The following CYP4X1 variants were observed in gnomAD, a reference collection of about 807,000 sequenced individuals.
CYP4X1 encodes the protein cytochrome P450 family 4 subfamily X member 1, also known as cytochrome P450 4X1.
A neutral mutation model predicts 57.9 loss-of-function variants in CYP4X1; 44 were observed. That is an observed-to-expected ratio of 0.76 (90% CI 0.60 to 0.98). The LOEUF (loss-of-function observed/expected upper bound fraction) is 0.98, where lower values mean the gene tolerates loss of function less well. CYP4X1 is among the 50% of genes least tolerant of loss of function. CYP4X1 has a pLI of 0.00. For synonymous variants in CYP4X1, 227 were observed against 228.6 expected (o/e 0.99, Z 0.06); for missense variants, 532 against 623.9 (o/e 0.85, Z 1.57).
chr1:46,968,890 A>C, the CYP4X1 span, among the ~76,000 whole-genome samples: 1 of 152,202 alleles, frequency 6.6e-6, no homozygotes, highest in South Asian at 2.1e-4. Flanking sequence ...TATTTAAATG[A>C]CATTACTTGG....
At chr1:47,009,777 A>T in the CYP4X1 span, among the ~76,000 whole-genome samples, 1 of 152,262 alleles carries the variant, frequency 6.6e-6, no homozygotes, top group Non-Finnish European at 1.5e-5. Context: ...GGAATACTAT[A>T]AACACTTCTA....
chr1:47,019,235 C>G (rs1184768109), upstream of CYP4X1, among the ~76,000 whole-genome samples: 1 of 152,094 alleles, frequency 6.6e-6, no homozygotes, highest in Non-Finnish European at 1.5e-5. Flanking sequence ...CTAAATGGGC[C>G]CAGGTGCTGC....
the CYP4X1 span, among the ~76,000 whole-genome samples, chr1:46,985,619 C>A: frequency 2.0e-5 from 3 of 152,098 alleles, no homozygotes; most frequent in African/African-American, 4.8e-5. Context: ...AGGAGAGCTC[C>A]GGCTGGCATC....
Position 47,033,423 on chromosome 1 carries a change from A to G in CYP4X1, c.492+55A>G, listed in dbSNP as rs1644145679. 1.6e-5 allele frequency: 26 copies of G among 1,583,502 alleles called. No homozygotes were observed. In the South Asian group the frequency reaches 3.0e-4, roughly 18 times the overall value. ...TTGCGAAATGCTCCCAGCAATGGAC[A>G]GTATTAGGTATGTGTTTTGTGGGCC... On this transcript the variant is annotated intron_variant, in intron 4 of 11. Transcript: ENST00000371901.
chr1:47,012,898 C>G, the CYP4X1 span, among the ~76,000 whole-genome samples: 1 of 152,288 alleles, frequency 6.6e-6, no homozygotes, highest in African/African-American at 2.4e-5. Context: ...TGCATTGTCT[C>G]TAACAAAAAA....
the CYP4X1 span, among the ~76,000 whole-genome samples, chr1:46,962,176 A>G: frequency 1.3e-5 from 2 of 151,844 alleles, no homozygotes; most frequent in Admixed American, 6.6e-5. Flanking sequence ...CTGGAGTGCA[A>G]TGGCCTGATA....
chr1:47,025,047 G>T (rs1644047203), intron 1 of CYP4X1, among the ~76,000 whole-genome samples: 1 of 152,134 alleles, frequency 6.6e-6, no homozygotes, highest in Non-Finnish European at 1.5e-5. Flanking sequence ...TCCCCACCAA[G>T]CCTCATGTTG....
chr1:47,046,845 A>C (rs1248748213), intron 9 of CYP4X1, among the ~76,000 whole-genome samples: 1 of 152,194 alleles, frequency 6.6e-6, no homozygotes, highest in African/African-American at 2.4e-5. Context: ...TGTCTCTGGA[A>C]TCCCAGCCCA....
At chr1:47,051,209 A>G (rs1644357990), downstream of CYP4X1, among the ~76,000 whole-genome samples, 3 of 152,158 alleles carry the variant, frequency 2.0e-5, no homozygotes, top group Admixed American at 2.0e-4. Flanking sequence ...TAGAATGGCA[A>G]TCATTAAAAA....
At chr1:46,978,072 G>A in the CYP4X1 span, among the ~76,000 whole-genome samples, 18 of 152,054 alleles carry the variant, frequency 1.2e-4, no homozygotes, top group African/African-American at 4.4e-4. Context: ...ATCAACTAAT[G>A]AGCAAAATAA....
At chr1:46,972,832 A>G in the CYP4X1 span, among the ~76,000 whole-genome samples, 1 of 152,006 alleles carries the variant, frequency 6.6e-6, no homozygotes, top group African/African-American at 2.4e-5. Flanking sequence ...GAGCCTTTGG[A>G]CAGAGAGTAT....
the CYP4X1 span, among the ~76,000 whole-genome samples, chr1:47,013,211 A>C: frequency 6.6e-6 from 1 of 152,160 alleles, no homozygotes; most frequent in Non-Finnish European, 1.5e-5. Context: ...GGTTGCCATA[A>C]ATTTTGGCAA....
At chr1:47,020,196 A>G (rs1643981173), upstream of CYP4X1, among the ~76,000 whole-genome samples, 1 of 152,210 alleles carries the variant, frequency 6.6e-6, no homozygotes, top group African/African-American at 2.4e-5. Context: ...CTTTTCCACC[A>G]TGTAGAATGC....
chr1:47,029,302 C>T (rs1644101733), intron 1 of CYP4X1, among the ~76,000 whole-genome samples: 1 of 152,134 alleles, frequency 6.6e-6, no homozygotes. Context: ...TTTAAGTGAG[C>T]CATTACTCAT....
Position 47,026,991 on chromosome 1 carries a change from A to T in CYP4X1, c.177+2997A>T, listed in dbSNP as rs9728906. 2.3e-3 allele frequency among the ~76,000 whole-genome samples: 348 copies of T among 152,326 alleles called. 1 individual carries two copies. The highest frequency in any genetic ancestry group is 8.1e-3 in the African/African-American group (337 of 41,570). On this transcript the variant is annotated intron_variant, in intron 1 of 11. Coordinates refer to ENST00000371901, the MANE Select transcript of CYP4X1 (RefSeq NM_178033.2). ...CACCCTCCCAAAGTGCTGGGATTAC[A>T]GGCGTGAGCCACCACTCCCGGCTTT...
At chr1:46,988,497 C>T in the CYP4X1 span, among the ~76,000 whole-genome samples, 1 of 151,984 alleles carries the variant, frequency 6.6e-6, no homozygotes, top group African/African-American at 2.4e-5. Context: ...CTATTGCAAG[C>T]AATAGAAAAA....
chr1:46,991,964 C>T, the CYP4X1 span, among the ~76,000 whole-genome samples: 1 of 152,120 alleles, frequency 6.6e-6, no homozygotes, highest in African/African-American at 2.4e-5. Context: ...TCCCACTCAA[C>T]AGACGTTATC....
chr1:46,963,309 G>A, the CYP4X1 span, among the ~76,000 whole-genome samples: 1 of 152,028 alleles, frequency 6.6e-6, no homozygotes, highest in Non-Finnish European at 1.5e-5. Context: ...ATGTTAGCTG[G>A]TTATTTTGCT....
the CYP4X1 span, among the ~76,000 whole-genome samples, chr1:46,991,904 T>C: frequency 2.0e-5 from 3 of 151,858 alleles, no homozygotes; most frequent in Non-Finnish European, 2.9e-5. Context: ...TAATAAAGAG[T>C]TGGGAAAATG....
Sources: gnomAD v4.1 joint callset for allele counts (sites outside exome capture counted in the v4.1 genomes callset) on GRCh38, gnomAD v4.1.1 for gene constraint, MANE v1.5 for transcripts, NCBI Gene and HGNC (gene_info 2026-07-23, HGNC 2026-07-21) for gene names.